CTNND2: variants seen among roughly 807,000 people sequenced by gnomAD.
CTNND2 encodes the protein catenin delta 2.
In CTNND2, 22 loss-of-function variants were observed where a neutral mutation model predicts 144.4. The observed-to-expected ratio is 0.15, with a 90% CI of 0.11 to 0.22. The LOEUF is 0.22. Ranked by LOEUF, CTNND2 falls within the 10% of genes least tolerant of loss-of-function variation. The probability of loss-of-function intolerance (pLI) is 1.00; values close to 1 mark genes in which losing one functional copy is unlikely to be tolerated. For missense variants in CTNND2, 1,353 were observed against 1,618.8 expected (o/e 0.84, Z 2.82); for synonymous variants, 751 against 695.6 (o/e 1.08, Z -1.25).
At chr5:10,995,448 G>C (rs989598494) in intron 18 of CTNND2, among the ~76,000 whole-genome samples, 1 of 152,210 alleles carries the variant, frequency 6.6e-6, no homozygotes, top group Non-Finnish European at 1.5e-5. Context: ...GGAAGTCCTC[G>C]TGACGGGGAC....
chr5:11,395,339 A>G (rs154751), intron 6 of CTNND2, among the ~76,000 whole-genome samples: 53,712 of 152,120 alleles, frequency 0.35, 10,918 homozygotes, highest in East Asian at 0.56. Flanking sequence ...ATAAATGAGA[A>G]TTCAGATATT....
chr5:11,342,054 T>C (rs80321081), intron 9 of CTNND2, among the ~76,000 whole-genome samples: 2,271 of 152,268 alleles, frequency 0.015, 52 homozygotes, highest in African/African-American at 0.053. Context: ...TCCTGAGCTT[T>C]CAATTCACTA....
intron 2 of CTNND2, among the ~76,000 whole-genome samples, chr5:11,726,734 A>G (rs922339819): frequency 6.6e-6 from 1 of 152,110 alleles, no homozygotes; most frequent in African/African-American, 2.4e-5. Flanking sequence ...AGCATATAAC[A>G]CCCTAGTCTC....
intron 11 of CTNND2, among the ~76,000 whole-genome samples, chr5:11,194,152 C>A (rs1008344873): frequency 6.6e-6 from 1 of 152,038 alleles, no homozygotes; most frequent in Non-Finnish European, 1.5e-5. Flanking sequence ...CAGGGAGAAG[C>A]CAGCATAGCC....
At position 11,125,217 on chromosome 5, in the gene CTNND2, C is replaced by CCA. The variant is rs570914331; in HGVS notation, c.2160-7652_2160-7651dup. On this transcript the variant is annotated intron_variant, in intron 12 of 21. Coordinates refer to ENST00000304623, the MANE Select transcript of CTNND2 (RefSeq NM_001332.4). ...CTTTACTGGAGTGACAGTAATCCAG[C>CCA]CACAGCCTCTCTCTCTAGGTGCAGA... 3.3e-5 allele frequency among the ~76,000 whole-genome samples: 5 copies of CCA among 152,304 alleles called. No homozygotes were observed. In the East Asian group the frequency reaches 9.7e-4, roughly 29 times the overall value.
At chr5:11,008,730 C>T (rs565246504) in intron 18 of CTNND2, among the ~76,000 whole-genome samples, 6 of 152,220 alleles carry the variant, frequency 3.9e-5, no homozygotes, top group Admixed American at 2.0e-4. Flanking sequence ...TGACTCAACT[C>T]CAGATTATAT....
chr5:11,878,185 T>C (rs192155193), intron 1 of CTNND2, among the ~76,000 whole-genome samples: 14 of 152,350 alleles, frequency 9.2e-5, no homozygotes, highest in Admixed American at 2.0e-4. Context: ...TTTCATTTTA[T>C]ATTTGAAAAA....
At chr5:11,333,763 T>G (rs961235205) in intron 9 of CTNND2, among the ~76,000 whole-genome samples, 2 of 152,180 alleles carry the variant, frequency 1.3e-5, no homozygotes, top group African/African-American at 4.8e-5. Context: ...TTGAAAGGGT[T>G]TGCTCACTTG....
chr5:11,412,223 T>C (rs1447677212), intron 3 of CTNND2, among the ~76,000 whole-genome samples, 154 bp from the exon 4 acceptor site: 1 of 152,192 alleles, frequency 6.6e-6, no homozygotes, highest in Admixed American at 6.5e-5. Flanking sequence ...CACTTTGATA[T>C]AATTTTAATT....
At chr5:11,135,168 C>A (rs1381603504) in intron 12 of CTNND2, among the ~76,000 whole-genome samples, 1 of 152,182 alleles carries the variant, frequency 6.6e-6, no homozygotes, top group African/African-American at 2.4e-5. Flanking sequence ...TGCCCTCCAC[C>A]ATCAGCCCAG....
At chr5:11,250,489 C>CTATA (rs1161027337) in intron 9 of CTNND2, among the ~76,000 whole-genome samples, 1,226 of 67,872 alleles carry the variant, frequency 0.018, 9 homozygotes, top group Non-Finnish European at 0.02. Flanking sequence ...CTCTCTCTCT[C>CTATA]TCTATATATA....
chr5:11,193,218 G>A (rs182847278), intron 11 of CTNND2, among the ~76,000 whole-genome samples: 1 of 152,318 alleles, frequency 6.6e-6, no homozygotes, highest in African/African-American at 2.4e-5. Context: ...CTTAAGAATT[G>A]TGGATTTTGA....
At chr5:11,675,465 C>T (rs1784125149) in intron 2 of CTNND2, among the ~76,000 whole-genome samples, 1 of 152,144 alleles carries the variant, frequency 6.6e-6, no homozygotes. Flanking sequence ...CTCAGAGAAA[C>T]CAGAGTGGGG....
At chr5:10,986,559 ATT>A in intron 20 of CTNND2, 1 of 452,300 alleles carries the variant, frequency 2.2e-6, no homozygotes, top group Non-Finnish European at 4.4e-6. Context: ...GGGACTCAGA[ATT>A]CAGATTCACA....
chr5:11,682,807 T>C (rs1784477891), intron 2 of CTNND2, among the ~76,000 whole-genome samples: 1 of 152,160 alleles, frequency 6.6e-6, no homozygotes, highest in Non-Finnish European at 1.5e-5. Context: ...GCTTCTTAGA[T>C]TGGCATGTGG....
chr5:11,527,610 A>G (rs1773372832), intron 3 of CTNND2, among the ~76,000 whole-genome samples: 1 of 152,220 alleles, frequency 6.6e-6, no homozygotes, highest in South Asian at 2.1e-4. Context: ...GGCAGTTCCA[A>G]GGCATCTCTG....
At chr5:11,572,871 G>A (rs58922328) in intron 2 of CTNND2, among the ~76,000 whole-genome samples, 4 of 152,196 alleles carry the variant, frequency 2.6e-5, no homozygotes, top group Non-Finnish European at 4.4e-5. Context: ...GTTTTATGGA[G>A]TCTGACTTAG....
intron 9 of CTNND2, among the ~76,000 whole-genome samples, chr5:11,343,475 T>C (rs1754463191): frequency 6.6e-6 from 1 of 152,194 alleles, no homozygotes; most frequent in Non-Finnish European, 1.5e-5. Context: ...TTTCCTTCAT[T>C]CTTCCCAACT....
At chr5:11,405,767 C>T (rs896875181) in intron 5 of CTNND2, among the ~76,000 whole-genome samples, 6 of 151,730 alleles carry the variant, frequency 4.0e-5, no homozygotes, top group African/African-American at 9.7e-5. Flanking sequence ...TTCATATACC[C>T]GAGGTAGGGG....
Sources: allele counts gnomAD v4.1 joint callset (sites outside exome capture counted in the v4.1 genomes callset), GRCh38; gene constraint gnomAD v4.1.1; transcripts MANE v1.5; gene names NCBI Gene and HGNC (gene_info 2026-07-23, HGNC 2026-07-21).